Variants in CDC42BPA observed in about 807,000 individuals in gnomAD.
CDC42BPA encodes the protein serine/threonine-protein kinase MRCK alpha.
CDC42BPA carries 80 observed loss-of-function variants against 223.5 expected under a neutral mutation model. The ratio of observed to expected loss-of-function variants is 0.36; its 90% confidence interval spans 0.30 to 0.43. The LOEUF (loss-of-function observed/expected upper bound fraction) is 0.43, where lower values mean the gene tolerates loss of function less well. Among genes scored for constraint, CDC42BPA ranks in the 20% least tolerant of loss-of-function variants. The pLI is 1.00. For synonymous variants in CDC42BPA, 694 were observed against 718.6 expected, an observed-to-expected ratio of 0.97 and a Z score of 0.55; for missense variants, 1,743 against 2,099.9, an observed-to-expected ratio of 0.83 and a Z score of 3.32.
intron 16 of CDC42BPA, among the ~76,000 whole-genome samples, chr1:227,082,202 AT>A (rs1166912912): frequency 6.6e-6 from 1 of 151,594 alleles, no homozygotes; most frequent in Non-Finnish European, 1.5e-5. Context: ...CTAATTTTTT[AT>A]TTTTTTATTT....
intron 5 of CDC42BPA, among the ~76,000 whole-genome samples, chr1:227,171,203 C>T: frequency 6.6e-6 from 1 of 152,132 alleles, no homozygotes; most frequent in East Asian, 1.9e-4. Flanking sequence ...GAATATTAGT[C>T]AAAACATGTA....
At chr1:227,115,493 A>G (rs991047526) in intron 12 of CDC42BPA, among the ~76,000 whole-genome samples, 1 of 147,560 alleles carries the variant, frequency 6.8e-6, no homozygotes, top group Non-Finnish European at 1.5e-5. Flanking sequence ...TTTCTTAGTC[A>G]TTAATAGATA....
At chr1:227,305,830 G>T (rs932202019) in intron 1 of CDC42BPA, among the ~76,000 whole-genome samples, 1 of 152,156 alleles carries the variant, frequency 6.6e-6, no homozygotes, top group Admixed American at 6.5e-5. Flanking sequence ...GCCAGGCATG[G>T]TGGTGGATGC....
rs1405804411 is a variant in CDC42BPA, at chr1:226,994,214, A to AC, written c.*53_*54insG. On this transcript the variant is annotated 3_prime_UTR_variant, in exon 37 of 37. Transcript: ENST00000366766. The surrounding 1 kb of genome is among the most constrained non-coding windows in gnomAD (Gnocchi z 4.0). ...GAGGTGGAGGGAAGAGATGAAAGTG[A>AC]GAGGAGGCGAGTGGCAGGGAGCGGA... 6.6e-7 allele frequency: 1 copy of AC among 1,526,504 alleles called. No individual in the cohort carries two copies. Among genetic ancestry groups the AC allele is most frequent in the East Asian group, 2.5e-5 (1 of 40,252 alleles). The allele number at this position is 1,526,504 out of a possible 1,614,324, so 94.6% of individuals were successfully genotyped here. A position where few individuals can be genotyped will look rare whatever the true frequency, so the allele number is the denominator to read the frequency against.
chr1:227,171,211 G>A (rs11803761), intron 5 of CDC42BPA, among the ~76,000 whole-genome samples: 23,934 of 152,212 alleles, frequency 0.16, 2,329 homozygotes, highest in African/African-American at 0.26. Context: ...GTCAAAACAT[G>A]TACACTAATT....
chr1:227,181,056 A>G (rs1667850374), intron 5 of CDC42BPA, among the ~76,000 whole-genome samples: 1 of 152,218 alleles, frequency 6.6e-6, no homozygotes, highest in Non-Finnish European at 1.5e-5. Flanking sequence ...TTGAACAAAA[A>G]AATAATTGAA....
intron 35 of CDC42BPA, among the ~76,000 whole-genome samples, chr1:226,999,013 C>A (rs908695366): frequency 1.3e-5 from 2 of 152,070 alleles, no homozygotes; most frequent in African/African-American, 4.8e-5. Flanking sequence ...CAAAAGAAGA[C>A]ATTTATGCGG....
intron 2 of CDC42BPA, among the ~76,000 whole-genome samples, chr1:227,239,976 T>C (rs973423483): frequency 6.6e-6 from 1 of 152,066 alleles, no homozygotes; most frequent in African/African-American, 2.4e-5. Flanking sequence ...GATGCGTCCC[T>C]ATTCTGAAAA....
chr1:227,209,255 A>G (rs902701672), intron 3 of CDC42BPA, among the ~76,000 whole-genome samples: 154 of 150,132 alleles, frequency 1.0e-3, no homozygotes, highest in African/African-American at 3.7e-3. Flanking sequence ...GGAGATTTTG[A>G]GCTGAGACAA....
chr1:227,137,223 C>T (rs1658750755), intron 10 of CDC42BPA, among the ~76,000 whole-genome samples: 1 of 152,166 alleles, frequency 6.6e-6, no homozygotes, highest in South Asian at 2.1e-4. Context: ...CAAAACTTCA[C>T]AAGACTAGAT....
intron 6 of CDC42BPA, among the ~76,000 whole-genome samples, chr1:227,148,783 A>G (rs1478306098): frequency 4.0e-5 from 6 of 150,368 alleles, no homozygotes; most frequent in South Asian, 4.2e-4. Flanking sequence ...AAAAAAAAAA[A>G]AAAAAAAAAA....
chr1:227,017,109 A>C, intron 32 of CDC42BPA, 59 bp from the exon 33 acceptor site: 2 of 1,509,272 alleles, frequency 1.3e-6, no homozygotes, highest in Admixed American at 1.9e-5. Flanking sequence ...AATGCTTTTT[A>C]TCTATTAACC....
At chr1:227,044,264 A>G (rs1671953126) in intron 23 of CDC42BPA, among the ~76,000 whole-genome samples, 2 of 152,168 alleles carry the variant, frequency 1.3e-5, no homozygotes, top group African/African-American at 4.8e-5. Flanking sequence ...AGTGGTAAAC[A>G]TTGCAGATAT....
chr1:227,139,781 T>C, intron 9 of CDC42BPA, 39 bp from the exon 10 acceptor site: 2 of 1,301,098 alleles, frequency 1.5e-6, no homozygotes, highest in Non-Finnish European at 2.0e-6. Context: ...CATACTGTGA[T>C]AAAAAGCTTG....
intron 6 of CDC42BPA, among the ~76,000 whole-genome samples, chr1:227,152,942 C>G (rs1462269794): frequency 1.3e-5 from 2 of 151,868 alleles, no homozygotes; most frequent in Admixed American, 1.3e-4. Flanking sequence ...TTAAATATAT[C>G]CTCATGCCAA....
At chr1:227,004,808 G>A in intron 35 of CDC42BPA, 186 bp downstream of exon 35, 2 of 715,486 alleles carry the variant, frequency 2.8e-6, no homozygotes, top group Non-Finnish European at 5.2e-6. Flanking sequence ...AAGGACTCTG[G>A]GACTATTTTC....
chr1:227,206,080 A>G lies in CDC42BPA; in HGVS notation c.355-6428T>C, dbSNP rs891907837. 4.6e-5 allele frequency among the ~76,000 whole-genome samples: 7 copies of G among 152,332 alleles called. No homozygotes were observed. The South Asian group carries it at 1.5e-3, about 32-fold the overall frequency. On this transcript the variant is annotated intron_variant, in intron 3 of 36. Transcript: ENST00000366766. ...AAAATGTTTTTAAAAGGTTTTATAAAAAGGTTTAACTCTCAAGACAGTGAG... is the reference window on the plus strand; with the variant it reads ...AAAATGTTTTTAAAAGGTTTTATAAGAAGGTTTAACTCTCAAGACAGTGAG...
Position 227,130,782 on chromosome 1 carries a change from G to C in CDC42BPA, c.1391-1551C>G, listed in dbSNP as rs556915491. Among the ~76,000 whole-genome samples, 3 of 152,178 alleles carry C rather than the reference G, an allele frequency of 2.0e-5. No individual in the cohort carries two copies. In the South Asian group the frequency reaches 6.2e-4, roughly 32 times the overall value. Reference sequence around the variant, plus strand: ...AGGCAGGAGAAACGCTTGAACCTGGGAGGCAGAGGTTGCAGTGAGCTGAGA... The same window carrying C: ...AGGCAGGAGAAACGCTTGAACCTGGCAGGCAGAGGTTGCAGTGAGCTGAGA... On this transcript the variant is annotated intron_variant, in intron 10 of 36. Transcript: ENST00000366766.
chr1:227,309,343 C>T (rs1043749707), intron 1 of CDC42BPA, among the ~76,000 whole-genome samples: 2 of 152,058 alleles, frequency 1.3e-5, no homozygotes, highest in Non-Finnish European at 2.9e-5. Flanking sequence ...TAATAGTAAC[C>T]ACAGCTTTAA....
Sources: gnomAD v4.1 joint callset for allele counts (sites outside exome capture counted in the v4.1 genomes callset) on GRCh38, gnomAD v4.1.1 for gene constraint, Gnocchi (gnomAD v3.1) non-coding constraint, MANE v1.5 for transcripts, NCBI Gene and HGNC (gene_info 2026-07-23, HGNC 2026-07-21) for gene names.